ITSN1: variants seen among roughly 807,000 people sequenced by gnomAD.
ITSN1 encodes the protein intersectin-1.
Under a neutral mutation model 239.8 loss-of-function variants are expected in ITSN1, and 58 were observed. The observed-to-expected ratio is 0.24, with a 90% CI of 0.20 to 0.30. The LOEUF is 0.30. Among genes scored for constraint, ITSN1 ranks in the 10% least tolerant of loss-of-function variants. The probability of loss-of-function intolerance (pLI) is 1.00; values close to 1 mark genes in which losing one functional copy is unlikely to be tolerated. For missense variants in ITSN1, 1,558 were observed against 2,103.3 expected (o/e 0.74, Z 5.07); for synonymous variants, 780 against 770.8 (o/e 1.01, Z -0.20).
At chr21:33,651,088 C>A (rs1429155817) in intron 1 of ITSN1, among the ~76,000 whole-genome samples, 1 of 152,220 alleles carries the variant, frequency 6.6e-6, no homozygotes, top group Non-Finnish European at 1.5e-5. Context: ...CTGGCAGACA[C>A]GCAAGGGTTA....
chr21:33,841,682 A>G (rs1488933157), intron 29 of ITSN1, among the ~76,000 whole-genome samples: 1 of 152,228 alleles, frequency 6.6e-6, no homozygotes, highest in Non-Finnish European at 1.5e-5. Context: ...CCCAGGTAAC[A>G]GTTGGGCAAC....
chr21:33,782,020 G>A lies in ITSN1; in HGVS notation c.1711G>A (p.Ala571Thr), dbSNP rs1250079646. Residue 571 changes from alanine to threonine, a missense_variant, in exon 16 of 40, where the codon GCC becomes ACC. Around this residue, in one of 2 missense-constraint regions of ITSN1, gnomAD observed 982 missense variants for 1,209.9 expected, o/e 0.81. Transcript: ENST00000381318. Reference sequence around the variant, plus strand: ...AGATTCACTTGTTACACTTAAAAGAGCCTTAGAAGCAAAAGAACTAGCTCG... The same window carrying A: ...AGATTCACTTGTTACACTTAAAAGAACCTTAGAAGCAAAAGAACTAGCTCG... ...HRDSLVTLKR[A>T]LEAKELARQH... 1.2e-6 allele frequency: 2 copies of A among 1,612,136 alleles called. No homozygotes were observed. Among genetic ancestry groups the A allele is most frequent in the South Asian group, 1.1e-5 (1 of 90,794 alleles).
chr21:33,695,833 G>T (rs1395152679), intron 1 of ITSN1, among the ~76,000 whole-genome samples: 1 of 152,160 alleles, frequency 6.6e-6, no homozygotes, highest in South Asian at 2.1e-4. Flanking sequence ...GAAATCCCCA[G>T]GAAAGATGAC....
At chr21:33,692,768 A>G (rs1245359339) in intron 1 of ITSN1, among the ~76,000 whole-genome samples, 2 of 151,978 alleles carry the variant, frequency 1.3e-5, no homozygotes, top group African/African-American at 4.8e-5. Flanking sequence ...ATTGTCAGTA[A>G]TCTATTTCTT....
chr21:33,891,202 C>A lies in ITSN1; in HGVS notation c.*2902C>A, dbSNP rs1334474880. The A allele has an allele frequency of 1.3e-5, 2 of 152,206 alleles. No homozygotes were observed. The highest frequency in any genetic ancestry group is 3.9e-4 in the East Asian group (2 of 5,190). 9.4% of individuals were successfully genotyped at this position (152,206 alleles called of 1,614,324 possible). A position where few individuals can be genotyped will look rare whatever the true frequency, so the allele number is the denominator to read the frequency against. ...TGGCTCATTCGGATCCAGGCCTGGA[C>A]TAATCTGGAAAGAGGGACTTTCTAG... On this transcript the variant is annotated 3_prime_UTR_variant, in exon 40 of 40. Transcript: ENST00000381318.
At chr21:33,841,418 A>G (rs1463876308) in intron 29 of ITSN1, among the ~76,000 whole-genome samples, 2 of 152,242 alleles carry the variant, frequency 1.3e-5, no homozygotes, top group Non-Finnish European at 2.9e-5. Flanking sequence ...GAATGAGTGA[A>G]TGAAATCAAC....
At chr21:33,727,653 CT>C (rs1211165211) in intron 4 of ITSN1, among the ~76,000 whole-genome samples, 1 of 151,540 alleles carries the variant, frequency 6.6e-6, no homozygotes, top group Admixed American at 6.6e-5. Flanking sequence ...TCTTGATCCC[CT>C]CTCCTCCATC....
In ITSN1 at chr21:33,827,215, CAG is replaced by C. The variant is rs1426324794; in HGVS notation, c.3229+353_3229+354del. On this transcript the variant is annotated intron_variant, in intron 26 of 39. Transcript: ENST00000381318. ...AGGAGTTTAAGACCAGCCTGGCCAACAGGGGAATCCCGGTCTGTACCAAAAAA... is the reference window on the plus strand; with the variant it reads ...AGGAGTTTAAGACCAGCCTGGCCAACGGGAATCCCGGTCTGTACCAAAAAA... Among the ~76,000 whole-genome samples, 4 of 152,174 alleles carry C rather than the reference CAG, an allele frequency of 2.6e-5. No individual in the cohort carries two copies. In the South Asian group the frequency reaches 6.2e-4, roughly 24 times the overall value.
At chr21:33,809,046 A>G (rs1009881169) in intron 20 of ITSN1, among the ~76,000 whole-genome samples, 1 of 152,230 alleles carries the variant, frequency 6.6e-6, no homozygotes, top group African/African-American at 2.4e-5. Flanking sequence ...AAAGACATCT[A>G]GCCATTTGAG....
At chr21:33,653,322 G>C (rs2088723135) in intron 1 of ITSN1, among the ~76,000 whole-genome samples, 1 of 151,968 alleles carries the variant, frequency 6.6e-6, no homozygotes, top group South Asian at 2.1e-4. Context: ...AGTTTAGTTA[G>C]CTGTTCAGTG....
At chr21:33,734,849 A>G (rs1052236386) in intron 4 of ITSN1, among the ~76,000 whole-genome samples, 195 bp from the exon 5 acceptor site, 2 of 152,228 alleles carry the variant, frequency 1.3e-5, no homozygotes, top group African/African-American at 4.8e-5. Context: ...AGAGTGAAAG[A>G]TATTTTATGT....
At chr21:33,723,017 A>C (rs994776744) in intron 4 of ITSN1, among the ~76,000 whole-genome samples, 9 of 152,226 alleles carry the variant, frequency 5.9e-5, no homozygotes, top group Middle Eastern at 3.2e-3. Context: ...TTTATCTTTC[A>C]TTGACTGAAG....
chr21:33,864,321 T>C (rs1023409692), intron 31 of ITSN1, among the ~76,000 whole-genome samples: 1 of 152,224 alleles, frequency 6.6e-6, no homozygotes, highest in African/African-American at 2.4e-5. Flanking sequence ...GTTGTGGTCC[T>C]GCCATGTAGT....
rs77779639 is a variant in ITSN1 at position 33,718,071 on chromosome 21, C to T, written c.-32-726C>T. The stretch of plus-strand genomic sequence containing the variant: ...AACTCCACAGCGTTTGGTCACCAAA[C>T]GAATGATATCGTGCTAATCACGTAC... On this transcript the variant is annotated intron_variant, in intron 1 of 39. Transcript: ENST00000381318. Among the ~76,000 whole-genome samples the T allele has an allele frequency of 5.6e-3, 845 of 152,212 alleles. 7 individuals carry two copies. Among genetic ancestry groups the T allele is most frequent in the African/African-American group, 0.019 (796 of 41,530 alleles).
chr21:33,764,621 A>G (rs1454552970), intron 9 of ITSN1, among the ~76,000 whole-genome samples: 2 of 152,190 alleles, frequency 1.3e-5, no homozygotes, highest in Non-Finnish European at 2.9e-5. Context: ...TCTCAGACCT[A>G]TACTCTAGAA....
intron 1 of ITSN1, among the ~76,000 whole-genome samples, chr21:33,686,686 AT>A (rs761359375): frequency 6.6e-6 from 1 of 152,030 alleles, no homozygotes; most frequent in Non-Finnish European, 1.5e-5. Flanking sequence ...TTTCCATTTT[AT>A]ATATCACATT....
rs2065208525 is a variant in ITSN1 at position 33,717,311 on chromosome 21, C to T, written c.-32-1486C>T. Among the ~76,000 whole-genome samples the T allele has an allele frequency of 2.6e-5, 4 of 151,942 alleles. No individual in the cohort carries two copies. The South Asian group carries it at 8.3e-4, about 31-fold the overall frequency. On this transcript the variant is annotated intron_variant, in intron 1 of 39. Transcript: ENST00000381318. ...TCCCGAGCTCAGGTTATTCTGCCAC[C>T]TCAGCCTCCTGAGTAGCTGGGACTA...
rs375420604 is a variant in ITSN1, at chr21:33,670,225, T to C, written c.-33+27512T>C. 3.9e-5 allele frequency among the ~76,000 whole-genome samples: 6 copies of C among 152,168 alleles called. No individual in the cohort carries two copies. The East Asian group carries it at 5.8e-4, about 15-fold the overall frequency. Reference sequence around the variant, plus strand: ...AAAAAATTAGCCAGGGGTGGTGACATGTGCCTGTGGTTCCAGCTATGTGGG... The same window carrying C: ...AAAAAATTAGCCAGGGGTGGTGACACGTGCCTGTGGTTCCAGCTATGTGGG... On this transcript the variant is annotated intron_variant, in intron 1 of 39. Coordinates refer to ENST00000381318, the MANE Select transcript of ITSN1 (RefSeq NM_003024.3).
chr21:33,691,105 G>A (rs975006803), intron 1 of ITSN1, among the ~76,000 whole-genome samples: 3 of 151,608 alleles, frequency 2.0e-5, no homozygotes, highest in Admixed American at 1.3e-4. Context: ...CCTGCTCTGC[G>A]GTGTTGTATG....
Sources: gnomAD v4.1 joint callset for allele counts (sites outside exome capture counted in the v4.1 genomes callset) on GRCh38, gnomAD v4.1.1 for gene constraint, gnomAD v4.1.1 regional missense constraint, MANE v1.5 for transcripts, NCBI Gene and HGNC (gene_info 2026-07-23, HGNC 2026-07-21) for gene names.